Variants in CDH4 observed in about 807,000 individuals in gnomAD.
CDH4 encodes cadherin 4.
In CDH4, 33 loss-of-function variants were observed where a neutral mutation model predicts 86.0. The observed-to-expected ratio is 0.38, with a 90% CI of 0.29 to 0.51. The LOEUF (loss-of-function observed/expected upper bound fraction) is 0.51, where lower values mean the gene tolerates loss of function less well. Among genes scored for constraint, CDH4 ranks in the 20% least tolerant of loss-of-function variants. The pLI is 0.86. For missense variants in CDH4, 1,114 were observed against 1,307.4 expected, an observed-to-expected ratio of 0.85 and a Z score of 2.28; for synonymous variants, 555 against 549.4, an observed-to-expected ratio of 1.01 and a Z score of -0.14.
intron 2 of CDH4, among the ~76,000 whole-genome samples, chr20:61,707,990 C>A (rs1309138719): frequency 6.6e-6 from 1 of 152,110 alleles, no homozygotes; most frequent in Non-Finnish European, 1.5e-5. Context: ...GGCCACCAGG[C>A]TTTGGAGGGA....
At chr20:61,383,205 A>G (rs1352415484) in intron 2 of CDH4, among the ~76,000 whole-genome samples, 5 of 74,082 alleles carry the variant, frequency 6.7e-5, no homozygotes, top group Non-Finnish European at 1.3e-4. Flanking sequence ...ATATTTATAT[A>G]TGAATATATA....
intron 4 of CDH4, among the ~76,000 whole-genome samples, chr20:61,793,896 T>C (rs1979368746): frequency 6.8e-6 from 1 of 148,098 alleles, no homozygotes; most frequent in Admixed American, 6.8e-5. Context: ...CCCAGCACTT[T>C]GGGAGGCCAA....
chr20:61,481,991 T>C (rs1384321996), intron 2 of CDH4, among the ~76,000 whole-genome samples: 2 of 152,174 alleles, frequency 1.3e-5, no homozygotes, highest in East Asian at 3.8e-4. Context: ...TCCCTCCCAC[T>C]CTCAAGGTTC....
At chr20:61,292,025 G>C (rs1433856123) in intron 2 of CDH4, among the ~76,000 whole-genome samples, 1 of 152,154 alleles carries the variant, frequency 6.6e-6, no homozygotes, top group African/African-American at 2.4e-5. Context: ...GCGTAAGTTT[G>C]CTAAGGATGA....
intron 2 of CDH4, among the ~76,000 whole-genome samples, chr20:61,742,237 C>T (rs1568789953): frequency 1.3e-5 from 2 of 152,138 alleles, no homozygotes; most frequent in Non-Finnish European, 2.9e-5. Flanking sequence ...CACCGGGGGG[C>T]TCTGGAGTCT....
intron 2 of CDH4, among the ~76,000 whole-genome samples, chr20:61,404,765 C>A (rs2085071129): frequency 1.3e-5 from 2 of 150,600 alleles, no homozygotes; most frequent in African/African-American, 4.9e-5. Flanking sequence ...TAAGAAAAAG[C>A]TCAGGCTGGG....
chr20:61,673,427 G>A (rs886538535), intron 2 of CDH4, among the ~76,000 whole-genome samples: 1 of 152,208 alleles, frequency 6.6e-6, no homozygotes, highest in Non-Finnish European at 1.5e-5. Flanking sequence ...TCACCGTGGG[G>A]CACACAGGGA....
chr20:61,786,731 T>C (rs1420915568), intron 4 of CDH4, among the ~76,000 whole-genome samples: 3 of 152,240 alleles, frequency 2.0e-5, no homozygotes, highest in Admixed American at 2.0e-4. Context: ...TGTCACTGAA[T>C]TGCTGGAGCA....
chr20:61,528,464 GGA>G (rs2085928494), intron 2 of CDH4, among the ~76,000 whole-genome samples: 1 of 90,736 alleles, frequency 1.1e-5, no homozygotes, highest in Non-Finnish European at 2.3e-5. Context: ...AGGGGGAGAG[GGA>G]GGGGGAGGGG....
intron 2 of CDH4, among the ~76,000 whole-genome samples, chr20:61,275,425 ATTGGGGGAGTACCGTGTGCAGT>A (rs1266559853): frequency 3.5e-5 from 1 of 28,904 alleles, no homozygotes; most frequent in Non-Finnish European, 6.2e-5. Flanking sequence ...TTGGGGGAGT[ATTGGGGGAGTACCGTGTGCAGT>A]TTGGGGGAGT....
chr20:61,285,897 A>G (rs1406552243), intron 2 of CDH4, among the ~76,000 whole-genome samples: 1 of 152,232 alleles, frequency 6.6e-6, no homozygotes, highest in African/African-American at 2.4e-5. Context: ...GGGCACCCAC[A>G]CCAACCTCTG....
At chr20:61,665,849 C>T (rs1191718999) in intron 2 of CDH4, among the ~76,000 whole-genome samples, 1 of 152,202 alleles carries the variant, frequency 6.6e-6, no homozygotes, top group Non-Finnish European at 1.5e-5. Flanking sequence ...ATTCTCTGGA[C>T]CCTGGGAATC....
chr20:61,800,307 C>G (rs974145412), intron 4 of CDH4, among the ~76,000 whole-genome samples: 1 of 152,218 alleles, frequency 6.6e-6, no homozygotes, highest in Admixed American at 6.5e-5. Context: ...GCCCCATGAC[C>G]GGGCAGGGGC....
intron 8 of CDH4, among the ~76,000 whole-genome samples, chr20:61,897,929 A>G (rs1776246): frequency 0.89 from 136,030 of 152,278 alleles, 61,347 homozygotes; most frequent in Non-Finnish European, 0.93. Flanking sequence ...TCTGCAGTCC[A>G]CTGCTTTGGT....
At chr20:61,788,640 G>A (rs1979009691) in intron 4 of CDH4, among the ~76,000 whole-genome samples, 1 of 152,200 alleles carries the variant, frequency 6.6e-6, no homozygotes, top group African/African-American at 2.4e-5. Context: ...CAGGAGGCCT[G>A]ACCATGTTTC....
chr20:61,912,106 G>A (rs918386306), intron 9 of CDH4, among the ~76,000 whole-genome samples: 5 of 152,258 alleles, frequency 3.3e-5, no homozygotes, highest in South Asian at 4.1e-4. Context: ...CAGCCATTAC[G>A]AGACTTTTAC....
chr20:61,425,581 A>T (rs896707332), intron 2 of CDH4, among the ~76,000 whole-genome samples: 9 of 152,264 alleles, frequency 5.9e-5, no homozygotes, highest in Admixed American at 1.3e-4. Flanking sequence ...GATAAGGCAC[A>T]GAGCACATCC....
At position 61,834,861 on chromosome 20, in the gene CDH4, A is replaced by G. The variant is rs529878582; in HGVS notation, c.577-9807A>G. On this transcript the variant is annotated intron_variant, in intron 4 of 15. Transcript: ENST00000614565. ...CCTCCACTCTGGCTTCTGTGCAGTG[A>G]CAGCTCTTGTTAGCCATCAAGTTCA... Among the ~76,000 whole-genome samples, 4 of 152,322 alleles carry G rather than the reference A, an allele frequency of 2.6e-5. No individual in the cohort carries two copies. In the East Asian group the frequency reaches 7.7e-4, roughly 29 times the overall value.
chr20:61,500,828 C>T (rs1184753671), intron 2 of CDH4, among the ~76,000 whole-genome samples: 1 of 152,202 alleles, frequency 6.6e-6, no homozygotes, highest in Non-Finnish European at 1.5e-5. Flanking sequence ...CAGAATGAGC[C>T]TTGAGGTTGA....
Sources: gnomAD v4.1 joint callset for allele counts (sites outside exome capture counted in the v4.1 genomes callset) on GRCh38, gnomAD v4.1.1 for gene constraint, MANE v1.5 for transcripts, NCBI Gene and HGNC (gene_info 2026-07-23, HGNC 2026-07-21) for gene names.